Variants in HHAT observed in about 807,000 individuals in gnomAD.
HHAT encodes the protein protein-cysteine N-palmitoyltransferase HHAT.
Under a neutral mutation model 70.8 loss-of-function variants are expected in HHAT, and 47 were observed. The ratio of observed to expected loss-of-function variants is 0.66; its 90% CI spans 0.53 to 0.85. The LOEUF (loss-of-function observed/expected upper bound fraction) is 0.85, where lower values mean the gene tolerates loss of function less well. HHAT is among the 40% of genes least tolerant of loss of function. The pLI, the probability that HHAT is intolerant of heterozygous loss-of-function variation, is 0.00. For missense variants in HHAT, 609 were observed against 604.8 expected, an observed-to-expected ratio of 1.01 and a Z score of -0.07; for synonymous variants, 228 against 247.6, an observed-to-expected ratio of 0.92 and a Z score of 0.74.
intron 3 of HHAT, among the ~76,000 whole-genome samples, chr1:210,376,144 C>T (rs1446338833): frequency 6.6e-6 from 1 of 151,466 alleles, no homozygotes; most frequent in African/African-American, 2.4e-5. Flanking sequence ...GGATTACAGG[C>T]ATGAGCCACC....
intron 7 of HHAT, among the ~76,000 whole-genome samples, chr1:210,447,051 T>C (rs2093649668): frequency 6.6e-6 from 1 of 152,202 alleles, no homozygotes; most frequent in African/African-American, 2.4e-5. Flanking sequence ...AACCCCTTTA[T>C]AGGTTGTTAA....
At chr1:210,343,252 A>G (rs2147947486) in intron 1 of HHAT, among the ~76,000 whole-genome samples, 1 of 152,282 alleles carries the variant, frequency 6.6e-6, no homozygotes, top group East Asian at 1.9e-4. Flanking sequence ...CTTTCTGCCC[A>G]ATAAAAACAA....
At chr1:210,454,272 G>A (rs1372476049) in intron 7 of HHAT, among the ~76,000 whole-genome samples, 3 of 151,896 alleles carry the variant, frequency 2.0e-5, no homozygotes, top group Admixed American at 6.6e-5. Context: ...AGCTCCCTTC[G>A]GCCGGGCACG....
chr1:210,372,027 G>A (rs2089614704), intron 3 of HHAT, among the ~76,000 whole-genome samples: 2 of 152,238 alleles, frequency 1.3e-5, no homozygotes, highest in South Asian at 4.1e-4. Context: ...GGAATTAAGA[G>A]GCATTATTTC....
At chr1:210,448,248 A>G (rs970914537) in intron 7 of HHAT, among the ~76,000 whole-genome samples, 3 of 151,808 alleles carry the variant, frequency 2.0e-5, no homozygotes, top group African/African-American at 7.3e-5. Flanking sequence ...TGCCTGGCTA[A>G]TTTTTGTATT....
At chr1:210,636,015 G>A (rs976347814) in intron 11 of HHAT, among the ~76,000 whole-genome samples, 27 of 152,286 alleles carry the variant, frequency 1.8e-4, no homozygotes, top group Non-Finnish European at 1.2e-4. Flanking sequence ...ACATCAATAA[G>A]CATAGCTGCT....
At chr1:210,442,956 G>A (rs1301169772) in intron 7 of HHAT, among the ~76,000 whole-genome samples, 1 of 152,036 alleles carries the variant, frequency 6.6e-6, no homozygotes, top group African/African-American at 2.4e-5. Context: ...TAATGCCTAG[G>A]TTTTCTTCTA....
intron 9 of HHAT, among the ~76,000 whole-genome samples, chr1:210,535,212 A>G (rs1297228260): frequency 6.6e-6 from 1 of 152,146 alleles, no homozygotes; most frequent in East Asian, 1.9e-4. Flanking sequence ...CACTACTTCA[A>G]CCTGGCCATG....
At chr1:210,390,730 C>T (rs1467887218) in intron 4 of HHAT, among the ~76,000 whole-genome samples, 1 of 152,204 alleles carries the variant, frequency 6.6e-6, no homozygotes, top group Admixed American at 6.5e-5. Flanking sequence ...ACCTCCTACT[C>T]ATAAGTGAGA....
intron 11 of HHAT, among the ~76,000 whole-genome samples, chr1:210,654,069 ATAGTGTGACGGGAG>A (rs966324363): frequency 5.6e-5 from 4 of 71,392 alleles, no homozygotes; most frequent in East Asian, 4.7e-4. Flanking sequence ...TGACGGTGGA[ATAGTGTGACGGGAG>A]TAGTGTGACA....
chr1:210,491,066 T>A (rs78427606), intron 8 of HHAT, among the ~76,000 whole-genome samples: 154 of 61,722 alleles, frequency 2.5e-3, no homozygotes, highest in Middle Eastern at 0.011. Flanking sequence ...ACACACATAG[T>A]GTGTGTGTGT....
intron 8 of HHAT, among the ~76,000 whole-genome samples, chr1:210,511,952 C>T (rs183806768): frequency 3.9e-5 from 6 of 152,192 alleles, no homozygotes; most frequent in Admixed American, 6.5e-5. Flanking sequence ...GGTCTTCTTA[C>T]TCACAGTCCG....
At chr1:210,482,343 G>A (rs906331105) in intron 8 of HHAT, among the ~76,000 whole-genome samples, 4 of 152,172 alleles carry the variant, frequency 2.6e-5, no homozygotes, top group Non-Finnish European at 5.9e-5. Flanking sequence ...GCTGCTGCTG[G>A]TGCCTATCTG....
chr1:210,586,345 T>C (rs1660443285), intron 9 of HHAT, among the ~76,000 whole-genome samples: 2 of 152,070 alleles, frequency 1.3e-5, no homozygotes, highest in Non-Finnish European at 2.9e-5. Flanking sequence ...GGGGCTAAAG[T>C]GGGAGGATTA....
chr1:210,662,048 A>G (rs141031567), intron 11 of HHAT, among the ~76,000 whole-genome samples: 4 of 152,340 alleles, frequency 2.6e-5, no homozygotes, highest in East Asian at 1.9e-4. Flanking sequence ...ATCTTATTCA[A>G]TTTTAACTTA....
chr1:210,369,395 G>A (rs913205781), intron 3 of HHAT, among the ~76,000 whole-genome samples: 4 of 152,182 alleles, frequency 2.6e-5, no homozygotes, highest in South Asian at 2.1e-4. Flanking sequence ...GCTTGAATAC[G>A]AATGACTATG....
chr1:210,430,810 T>A (rs1376227721), intron 7 of HHAT, among the ~76,000 whole-genome samples: 7 of 151,946 alleles, frequency 4.6e-5, no homozygotes, highest in Non-Finnish European at 1.0e-4. Flanking sequence ...TTGCTTTTTG[T>A]CTTTTTGATT....
At chr1:210,356,184 A>G (rs2087599587) in intron 2 of HHAT, among the ~76,000 whole-genome samples, 1 of 151,060 alleles carries the variant, frequency 6.6e-6, no homozygotes, top group Admixed American at 6.6e-5. Flanking sequence ...AAGTCCTGGG[A>G]TTATAGGCAT....
intron 3 of HHAT, among the ~76,000 whole-genome samples, chr1:210,367,684 T>C (rs1324925455): frequency 6.6e-6 from 1 of 152,158 alleles, no homozygotes; most frequent in Non-Finnish European, 1.5e-5. Flanking sequence ...CCTCCAGTTT[T>C]TGATGATGTT....
Sources: gnomAD v4.1 joint callset for allele counts (sites outside exome capture counted in the v4.1 genomes callset) on GRCh38, gnomAD v4.1.1 for gene constraint, MANE v1.5 for transcripts, NCBI Gene and HGNC (gene_info 2026-07-23, HGNC 2026-07-21) for gene names.